The following CCDC171 variants were observed in gnomAD, a reference collection of about 807,000 sequenced individuals.
CCDC171 encodes the protein coiled-coil domain-containing protein 171.
Under a neutral mutation model 168.2 loss-of-function variants are expected in CCDC171, and 177 were observed. The observed-to-expected ratio is 1.05, with a 90% CI of 0.93 to 1.19. The LOEUF (loss-of-function observed/expected upper bound fraction) is 1.19, where lower values mean the gene tolerates loss of function less well. Ranked by LOEUF, CCDC171 falls within the 50% of genes most tolerant of loss-of-function variation. The pLI is 0.00. For missense variants in CCDC171, 1,991 were observed against 1,539.0 expected (o/e 1.29, Z -4.91); for synonymous variants, 687 against 540.8 (o/e 1.27, Z -3.75).
chr9:15,569,183 C>T (rs537191049), intron 2 of CCDC171, among the ~76,000 whole-genome samples: 4 of 152,172 alleles, frequency 2.6e-5, no homozygotes, highest in Non-Finnish European at 2.9e-5. Context: ...CTTCGGAATC[C>T]GCCTATTTCC....
At chr9:15,631,685 T>C (rs1403436390) in intron 7 of CCDC171, among the ~76,000 whole-genome samples, 1 of 152,140 alleles carries the variant, frequency 6.6e-6, no homozygotes, top group East Asian at 1.9e-4. Context: ...CCAGCATCAT[T>C]CTGATACGAA....
intron 1 of CCDC171, among the ~76,000 whole-genome samples, chr9:16,047,217 C>G (rs1833675905): frequency 6.6e-6 from 1 of 152,170 alleles, no homozygotes; most frequent in East Asian, 1.9e-4. Flanking sequence ...GTACCTTGAA[C>G]TCAACATGTC....
chr9:15,898,603 T>G (rs1340863587), intron 24 of CCDC171, among the ~76,000 whole-genome samples: 3 of 152,182 alleles, frequency 2.0e-5, no homozygotes, highest in African/African-American at 7.2e-5. Context: ...TATTCTCTTC[T>G]TGTTTATTTG....
At chr9:15,723,471 T>C (rs184375578) in intron 12 of CCDC171, among the ~76,000 whole-genome samples, 30 of 152,308 alleles carry the variant, frequency 2.0e-4, no homozygotes, top group Non-Finnish European at 3.5e-4. Context: ...TCTTTTCTTT[T>C]TAGCCACATG....
chr9:15,704,728 G>C (rs2052071695), intron 11 of CCDC171, among the ~76,000 whole-genome samples: 1 of 152,292 alleles, frequency 6.6e-6, no homozygotes, highest in African/African-American at 2.4e-5. Context: ...TGTCCCACCA[G>C]CTTATATTCA....
chr9:15,557,796 G>A (rs1477390010), intron 1 of CCDC171, among the ~76,000 whole-genome samples: 2 of 152,072 alleles, frequency 1.3e-5, no homozygotes, highest in Non-Finnish European at 2.9e-5. Context: ...TGGTGAGAGG[G>A]GGCATCCCTG....
intron 18 of CCDC171, among the ~76,000 whole-genome samples, chr9:15,751,505 G>A (rs1269042867): frequency 1.3e-5 from 2 of 151,708 alleles, no homozygotes; most frequent in Non-Finnish European, 2.9e-5. Context: ...GGAGGTGTCA[G>A]GCTGCCTGAC....
chr9:15,623,410 T>G lies in CCDC171; in HGVS notation c.819T>G (p.Phe273Leu). Reference sequence around the variant, plus strand: ...GAGAGGAACGCCTTAGAAAAGAATTTGAGGTACATTTTCTCATTCCTTTAT... The same window carrying G: ...GAGAGGAACGCCTTAGAAAAGAATTGGAGGTACATTTTCTCATTCCTTTAT... ...TQREERLRKE[F>L]EATTLRVRKL... Residue 273 changes from phenylalanine to leucine, a missense_variant, in exon 7 of 26, where the codon TTT becomes TTG. By Grantham distance (22) the Phe-to-Leu change is conservative (BLOSUM62 0). Transcript: ENST00000380701. The G allele has an allele frequency of 6.2e-7, 1 of 1,605,050 alleles. No individual in the cohort carries two copies. Among genetic ancestry groups the G allele is most frequent in the Admixed American group, 1.7e-5 (1 of 58,758 alleles).
At chr9:16,049,702 C>T (rs1314265315) in intron 1 of CCDC171, among the ~76,000 whole-genome samples, 1 of 152,118 alleles carries the variant, frequency 6.6e-6, no homozygotes, top group African/African-American at 2.4e-5. Context: ...CTACCAGCAT[C>T]CCCGGGTCTC....
At chr9:15,867,328 C>T (rs945722038) in intron 23 of CCDC171, among the ~76,000 whole-genome samples, 4 of 151,886 alleles carry the variant, frequency 2.6e-5, no homozygotes, top group African/African-American at 7.2e-5. Flanking sequence ...TTTTAGTTTT[C>T]CGTGCATTTA....
chr9:15,580,481 G>A (rs1414381028), intron 4 of CCDC171, among the ~76,000 whole-genome samples: 1 of 152,182 alleles, frequency 6.6e-6, no homozygotes, highest in East Asian at 1.9e-4. Flanking sequence ...CACAAACTAT[G>A]CATCTGACAA....
intron 3 of CCDC171, among the ~76,000 whole-genome samples, chr9:15,996,062 CT>C (rs1427432494): frequency 6.6e-6 from 1 of 152,238 alleles, no homozygotes; most frequent in Non-Finnish European, 1.5e-5. Context: ...ATGTTTCACA[CT>C]TACACTGCTG....
At chr9:15,983,688 T>G (rs750557812) in intron 3 of CCDC171, among the ~76,000 whole-genome samples, 1 of 152,124 alleles carries the variant, frequency 6.6e-6, no homozygotes, top group African/African-American at 2.4e-5. Flanking sequence ...TGCCAGATAA[T>G]TGTGTAAGGA....
chr9:15,966,271 C>A (rs192661396), intron 25 of CCDC171, among the ~76,000 whole-genome samples: 1 of 152,100 alleles, frequency 6.6e-6, no homozygotes, highest in Non-Finnish European at 1.5e-5. Context: ...GAGTTTGAAA[C>A]GTGGAGGACT....
intron 23 of CCDC171, among the ~76,000 whole-genome samples, chr9:15,858,237 C>G (rs867809207): frequency 6.6e-6 from 1 of 151,892 alleles, no homozygotes; most frequent in African/African-American, 2.4e-5. Context: ...CCAGGCTGGT[C>G]TCAAACTCCT....
chr9:15,650,527 A>C (rs1341016004), intron 7 of CCDC171, among the ~76,000 whole-genome samples: 1 of 152,144 alleles, frequency 6.6e-6, no homozygotes, highest in Non-Finnish European at 1.5e-5. Context: ...GGTCATTTAC[A>C]TATCTTTTTT....
intron 3 of CCDC171, among the ~76,000 whole-genome samples, chr9:16,000,766 A>G (rs1458298943): frequency 6.6e-6 from 1 of 151,862 alleles, no homozygotes; most frequent in Non-Finnish European, 1.5e-5. Context: ...GCAGAAGTGT[A>G]TGACAACTAC....
intron 6 of CCDC171, among the ~76,000 whole-genome samples, chr9:15,599,467 A>G (rs1441237555): frequency 6.6e-6 from 1 of 152,116 alleles, no homozygotes; most frequent in South Asian, 2.1e-4. Flanking sequence ...AAGAATGTTG[A>G]ATATTGGCCC....
At chr9:15,818,931 G>A (rs2059659611) in intron 21 of CCDC171, among the ~76,000 whole-genome samples, 1 of 117,006 alleles carries the variant, frequency 8.5e-6, no homozygotes, top group Non-Finnish European at 1.9e-5. Flanking sequence ...AAATGTTAAG[G>A]GCAGCCAGAG....
Sources: gnomAD v4.1 joint callset for allele counts (sites outside exome capture counted in the v4.1 genomes callset) on GRCh38, gnomAD v4.1.1 for gene constraint, MANE v1.5 for transcripts, NCBI Gene and HGNC (gene_info 2026-07-23, HGNC 2026-07-21) for gene names.